Variants in ALG14 observed in about 807,000 individuals in gnomAD.
The protein encoded by ALG14 is UDP-N-acetylglucosamine transferase subunit ALG14.
Under a neutral mutation model 22.8 loss-of-function variants are expected in ALG14, and 17 were observed. That is an observed-to-expected ratio of 0.75 (90% CI 0.51 to 1.12). The LOEUF (loss-of-function observed/expected upper bound fraction) is 1.12. ALG14 is among the 50% of genes most tolerant of loss of function. ALG14 has a pLI of 0.00. For missense variants in ALG14, 288 were observed against 271.8 expected (o/e 1.06, Z -0.42); for synonymous variants, 89 against 103.7 (o/e 0.86, Z 0.86).
At chr1:95,044,004 T>G (rs1200228654) in intron 2 of ALG14, among the ~76,000 whole-genome samples, 3 of 152,114 alleles carry the variant, frequency 2.0e-5, no homozygotes, top group Non-Finnish European at 1.5e-5. Context: ...AGGCAACACT[T>G]TAAAGACCCT....
intron 3 of ALG14, among the ~76,000 whole-genome samples, chr1:95,021,495 G>T (rs1361103104): frequency 6.6e-6 from 1 of 152,168 alleles, no homozygotes; most frequent in African/African-American, 2.4e-5. Flanking sequence ...GGTGCTGTCT[G>T]TGCCCCCTTC....
intron 1 of ALG14, chr1:95,067,538 T>C (rs939199643): frequency 6.6e-6 from 1 of 151,522 alleles, no homozygotes; most frequent in Non-Finnish European, 1.5e-5. Flanking sequence ...ATAAAGTCAT[T>C]AAAATGATGG....
chr1:95,009,806 T>G (rs1246007275), intron 3 of ALG14, among the ~76,000 whole-genome samples: 4 of 152,152 alleles, frequency 2.6e-5, no homozygotes, highest in Non-Finnish European at 5.9e-5. Context: ...TAGTTAATAG[T>G]ATTATACCAG....
At chr1:95,016,864 A>G (rs947748162) in intron 3 of ALG14, among the ~76,000 whole-genome samples, 1 of 151,956 alleles carries the variant, frequency 6.6e-6, no homozygotes, top group Non-Finnish European at 1.5e-5. Flanking sequence ...CAGAGAGGAT[A>G]GCCTAGACAG....
At chr1:94,991,674 T>G (rs1672777396) in intron 3 of ALG14, among the ~76,000 whole-genome samples, 2 of 152,272 alleles carry the variant, frequency 1.3e-5, no homozygotes, top group South Asian at 4.1e-4. Context: ...CACTGTACAC[T>G]TAGCCCACAC....
intron 2 of ALG14, among the ~76,000 whole-genome samples, chr1:95,031,468 A>G (rs1673999079): frequency 6.6e-6 from 1 of 152,192 alleles, no homozygotes; most frequent in Non-Finnish European, 1.5e-5. Context: ...GAGAAGCTCC[A>G]CTTCCAAATC....
At position 95,000,304 on chromosome 1, in the gene ALG14, G is replaced by A. The variant is rs185605304; in HGVS notation, c.421-16998C>T. Among the ~76,000 whole-genome samples, 47 of 152,118 alleles carry A rather than the reference G, an allele frequency of 3.1e-4. 1 individual carries two copies. The East Asian group carries it at 9.1e-3, about 29-fold the overall frequency. On this transcript the variant is annotated intron_variant, in intron 3 of 3. Transcript: ENST00000370205. ...TAATACCAGCACTTTGGGAGGGCAAGGTGGGAAGATCACTTGAGCCCAGGA... is the reference window on the plus strand; with the variant it reads ...TAATACCAGCACTTTGGGAGGGCAAAGTGGGAAGATCACTTGAGCCCAGGA...
At position 95,018,447 on chromosome 1, in the gene ALG14, A is replaced by G. The variant is rs189081017; in HGVS notation, c.420+8682T>C. On this transcript the variant is annotated intron_variant, in intron 3 of 3. Transcript: ENST00000370205. ...GCTACTCGGGAGGTTGAGGCAGGAGAATAGCTTGAACCCAGGAGGCAGATG... is the reference window on the plus strand; with the variant it reads ...GCTACTCGGGAGGTTGAGGCAGGAGGATAGCTTGAACCCAGGAGGCAGATG... Among the ~76,000 whole-genome samples the G allele has an allele frequency of 2.9e-3, 446 of 152,184 alleles. 2 individuals carry two copies. Among genetic ancestry groups the G allele is most frequent in the African/African-American group, 0.01 (423 of 41,510 alleles).
chr1:95,035,781 C>A (rs371694261), intron 2 of ALG14: 2 of 152,276 alleles, frequency 1.3e-5, no homozygotes, highest in African/African-American at 4.8e-5. Flanking sequence ...TAAACCACAA[C>A]AGAGGAGATC....
intron 3 of ALG14, among the ~76,000 whole-genome samples, chr1:95,025,528 C>G (rs562985416): frequency 6.6e-6 from 1 of 152,210 alleles, no homozygotes; most frequent in South Asian, 2.1e-4. Flanking sequence ...TCTTTAGCCA[C>G]GAGAGTCCTG....
chr1:94,991,744 A>G (rs1277183762), intron 3 of ALG14, among the ~76,000 whole-genome samples: 1 of 152,214 alleles, frequency 6.6e-6, no homozygotes, highest in Non-Finnish European at 1.5e-5. Context: ...AGCTTACTGT[A>G]ACTTTTTTTA....
Position 95,026,626 on chromosome 1 carries a change from C to T in ALG14, c.420+503G>A, listed in dbSNP as rs550302341. On this transcript the variant is annotated intron_variant, in intron 3 of 3. Coordinates refer to ENST00000370205, the MANE Select transcript of ALG14 (RefSeq NM_144988.4). ...TGTCCCCAAACAATTACAACAATAA[C>T]ATCAAAGATTACTGGTCACAGGCCA... Among the ~76,000 whole-genome samples the T allele has an allele frequency of 5.3e-5, 8 of 151,814 alleles. No homozygotes were observed. The South Asian group carries it at 1.5e-3, about 28-fold the overall frequency.
chr1:95,043,625 A>G (rs2100801434), intron 2 of ALG14, among the ~76,000 whole-genome samples: 1 of 152,254 alleles, frequency 6.6e-6, no homozygotes, highest in African/African-American at 2.4e-5. Flanking sequence ...AGGGAGTGAC[A>G]TTGCAGAGGA....
intron 3 of ALG14, chr1:95,022,455 T>C (rs895495784): frequency 1.3e-6 from 1 of 762,002 alleles, no homozygotes; most frequent in African/African-American, 1.9e-5. Context: ...ACTCTGACCA[T>C]CATCAGACTT....
At chr1:95,023,745 C>T (rs930333538) in intron 3 of ALG14, among the ~76,000 whole-genome samples, 6 of 152,016 alleles carry the variant, frequency 3.9e-5, no homozygotes, top group African/African-American at 1.5e-4. Flanking sequence ...TTGGTAATGG[C>T]CAGGGTGGAA....
chr1:95,039,116 G>C (rs1674301871), intron 2 of ALG14, among the ~76,000 whole-genome samples: 1 of 152,180 alleles, frequency 6.6e-6, no homozygotes, highest in African/African-American at 2.4e-5. Context: ...ATAATAGTGT[G>C]GGTGTGGTTG....
chr1:94,986,468 TTTTTTTTC>T (rs1340996515), intron 3 of ALG14, among the ~76,000 whole-genome samples: 1 of 152,016 alleles, frequency 6.6e-6, no homozygotes, highest in Non-Finnish European at 1.5e-5. Context: ...ACTGACAGCT[TTTTTTTTC>T]TTTTTTTCTT....
chr1:95,024,132 C>T (rs764956514), intron 3 of ALG14, among the ~76,000 whole-genome samples: 3 of 152,148 alleles, frequency 2.0e-5, no homozygotes, highest in East Asian at 1.9e-4. Context: ...CCTACTCATT[C>T]GATCCGGCTA....
intron 3 of ALG14, among the ~76,000 whole-genome samples, chr1:94,996,522 T>C (rs1672913014): frequency 6.6e-6 from 1 of 152,146 alleles, no homozygotes; most frequent in Admixed American, 6.5e-5. Context: ...AGGTTTCCCA[T>C]AGCAGAGAGA....
Sources: allele counts gnomAD v4.1 joint callset (sites outside exome capture counted in the v4.1 genomes callset), GRCh38; gene constraint gnomAD v4.1.1; transcripts MANE v1.5; gene names NCBI Gene and HGNC (gene_info 2026-07-23, HGNC 2026-07-21).